Variants in CDH23 observed in about 807,000 individuals in gnomAD.
CDH23 encodes the protein cadherin related 23, also known as cadherin-23.
A neutral mutation model predicts 317.1 loss-of-function variants in CDH23; 189 were observed. The ratio of observed to expected loss-of-function variants is 0.60; its 90% CI spans 0.53 to 0.67. The LOEUF is 0.67. CDH23 is among the 30% of genes least tolerant of loss of function. The pLI is 0.00. For missense variants in CDH23, 4,401 were observed against 4,592.4 expected (o/e 0.96, Z 1.20); for synonymous variants, 1,839 against 1,876.8 (o/e 0.98, Z 0.52).
At chr10:71,650,944 T>C (rs1863138593) in intron 14 of CDH23, among the ~76,000 whole-genome samples, 1 of 152,250 alleles carries the variant, frequency 6.6e-6, no homozygotes, top group Non-Finnish European at 1.5e-5. Context: ...ATTTATTCAT[T>C]CATTCATTGA....
intron 1 of CDH23, among the ~76,000 whole-genome samples, chr10:71,420,571 A>ATGG (rs1848763514): frequency 2.7e-5 from 1 of 36,518 alleles, no homozygotes; most frequent in African/African-American, 9.2e-5. Context: ...GATGATGATG[A>ATGG]TGATGATGAT....
intron 14 of CDH23, among the ~76,000 whole-genome samples, chr10:71,672,662 G>A (rs1864196681): frequency 6.6e-6 from 1 of 152,198 alleles, no homozygotes; most frequent in Non-Finnish European, 1.5e-5. Context: ...ACGTGGGCAG[G>A]GGAGGCCAAG....
At chr10:71,487,302 T>TG (rs1170704051) in intron 3 of CDH23, among the ~76,000 whole-genome samples, 1 of 152,142 alleles carries the variant, frequency 6.6e-6, no homozygotes, top group Non-Finnish European at 1.5e-5. Flanking sequence ...TTGAGCAATG[T>TG]GGGGGTTAGG....
chr10:71,773,668 G>A (rs1322500653), intron 38 of CDH23, among the ~76,000 whole-genome samples: 2 of 152,206 alleles, frequency 1.3e-5, no homozygotes, highest in African/African-American at 4.8e-5. Context: ...GGCCCCGTGG[G>A]TGGGGAGCCA....
At chr10:71,659,965 T>TG (rs1204244419) in intron 14 of CDH23, among the ~76,000 whole-genome samples, 3 of 148,924 alleles carry the variant, frequency 2.0e-5, no homozygotes, top group African/African-American at 5.0e-5. Flanking sequence ...TTTCCGTTTT[T>TG]TTTTTTTTTT....
At chr10:71,774,478 C>A (rs975608192) in intron 38 of CDH23, among the ~76,000 whole-genome samples, 1 of 152,230 alleles carries the variant, frequency 6.6e-6, no homozygotes, top group African/African-American at 2.4e-5. Flanking sequence ...CCACCTCCAG[C>A]CTGAGATAAC....
chr10:71,696,849 G>A (rs1282921730), intron 22 of CDH23, among the ~76,000 whole-genome samples: 1 of 152,166 alleles, frequency 6.6e-6, no homozygotes, highest in Non-Finnish European at 1.5e-5. Flanking sequence ...CAGGACCCTC[G>A]CCCTTTGACA....
At chr10:71,668,982 C>A (rs1864028778) in intron 14 of CDH23, among the ~76,000 whole-genome samples, 1 of 152,220 alleles carries the variant, frequency 6.6e-6, no homozygotes, top group Non-Finnish European at 1.5e-5. Flanking sequence ...GTAATGCCAG[C>A]ATTGGGGAGA....
intron 15 of CDH23, 106 bp downstream of exon 15, chr10:71,675,282 G>C: frequency 1.1e-6 from 1 of 928,840 alleles, no homozygotes; most frequent in Non-Finnish European, 1.7e-6. Context: ...GGAGGTGCTG[G>C]GTCCTGTGGC....
intron 6 of CDH23, among the ~76,000 whole-genome samples, chr10:71,535,595 C>A (rs930661903): frequency 3.9e-5 from 6 of 152,216 alleles, no homozygotes; most frequent in Non-Finnish European, 8.8e-5. Context: ...TGGGCTTTCA[C>A]CATGTGGAGC....
chr10:71,609,617 C>T (rs1038931317), intron 9 of CDH23, among the ~76,000 whole-genome samples: 6 of 152,226 alleles, frequency 3.9e-5, no homozygotes, highest in African/African-American at 1.2e-4. Flanking sequence ...TCTGGGCACC[C>T]GGCACTAGGC....
intron 3 of CDH23, among the ~76,000 whole-genome samples, chr10:71,475,888 G>A (rs1372638863): frequency 6.6e-6 from 1 of 152,230 alleles, no homozygotes; most frequent in Admixed American, 6.5e-5. Flanking sequence ...GGGGCCTGGG[G>A]TTATCTCTGG....
chr10:71,450,868 T>C (rs1271854772), intron 3 of CDH23, among the ~76,000 whole-genome samples: 1 of 152,196 alleles, frequency 6.6e-6, no homozygotes, highest in African/African-American at 2.4e-5. Context: ...CCTAGCTTTA[T>C]ATTTTCTGTC....
chr10:71,759,128 C>G (rs1248952522), intron 38 of CDH23, among the ~76,000 whole-genome samples: 1 of 151,936 alleles, frequency 6.6e-6, no homozygotes, highest in African/African-American at 2.4e-5. Context: ...ACCTCTGACT[C>G]CCGGGTTCAA....
chr10:71,447,363 C>T (rs547100201), intron 3 of CDH23, among the ~76,000 whole-genome samples: 1 of 152,176 alleles, frequency 6.6e-6, no homozygotes, highest in African/African-American at 2.4e-5. Context: ...AATTCTTCAA[C>T]GATCTCTGCT....
intron 14 of CDH23, chr10:71,648,002 C>T (rs7079797): frequency 2.6e-5 from 4 of 152,102 alleles, no homozygotes; most frequent in Admixed American, 2.0e-4. Flanking sequence ...ACCAAGACCC[C>T]GCTCCGAAGT....
chr10:71,410,801 C>T (rs983769059), intron 1 of CDH23, among the ~76,000 whole-genome samples: 2 of 152,088 alleles, frequency 1.3e-5, no homozygotes, highest in Non-Finnish European at 2.9e-5. Flanking sequence ...CATCCTGTTG[C>T]GTATAGTTAA....
At chr10:71,809,167 CTTTTTTTTT>C (rs61078259) in intron 60 of CDH23, among the ~76,000 whole-genome samples, 8 of 68,852 alleles carry the variant, frequency 1.2e-4, no homozygotes, top group African/African-American at 3.7e-4. Flanking sequence ...TTTCTTTTTC[CTTTTTTTTT>C]TTTTTTTTTT....
intron 3 of CDH23, among the ~76,000 whole-genome samples, chr10:71,453,146 A>C (rs563626309): frequency 1.2e-4 from 19 of 152,326 alleles, no homozygotes; most frequent in Admixed American, 1.0e-3. Context: ...AATTAAGGTG[A>C]TCATGCCATG....
Sources: allele counts gnomAD v4.1 joint callset (sites outside exome capture counted in the v4.1 genomes callset), GRCh38; gene constraint gnomAD v4.1.1; transcripts MANE v1.5; gene names NCBI Gene and HGNC (gene_info 2026-07-23, HGNC 2026-07-21).